MMP25: variants seen among roughly 807,000 people sequenced by gnomAD.
The protein encoded by MMP25 is matrix metalloproteinase-25.
A neutral mutation model predicts 62.1 loss-of-function variants in MMP25; 68 were observed. The ratio of observed to expected loss-of-function variants is 1.10; its 90% confidence interval spans 0.90 to 1.34. MMP25 has a LOEUF of 1.34. MMP25 is among the 40% of genes most tolerant of loss of function. The pLI, the probability that MMP25 is intolerant of heterozygous loss-of-function variation, is 0.00. For missense variants in MMP25, 942 were observed against 792.5 expected, an observed-to-expected ratio of 1.19 and a Z score of -2.26; for synonymous variants, 407 against 345.6, an observed-to-expected ratio of 1.18 and a Z score of -1.97.
intron 4 of MMP25, chr16:3,055,968 G>A: frequency 6.6e-6 from 3 of 455,364 alleles, no homozygotes; most frequent in Middle Eastern, 4.8e-4. Flanking sequence ...GGAAGAGGCT[G>A]GGAGCAAGGC....
Position 3,058,958 on chromosome 16 carries a change from G to T in MMP25, c.1549G>T (p.Ala517Ser), listed in dbSNP as rs1185119383. The T allele has an allele frequency of 1.4e-6, 2 of 1,401,942 alleles. No homozygotes were observed. Among genetic ancestry groups the T allele is most frequent in the Non-Finnish European group, 1.9e-6 (2 of 1,025,868 alleles). 86.8% of individuals were successfully genotyped at this position (1,401,942 alleles called of 1,614,324 possible). A position where few individuals can be genotyped will look rare whatever the true frequency, so the allele number is the denominator to read the frequency against. Residue 517 changes from alanine to serine, a missense_variant, in exon 10 of 10, where the codon GCC becomes TCC. Transcript: ENST00000336577. ...CCCCGCCCCGAGCTCTGGTCCCCGC[G>T]CCCCCAGGCCCCCCAAAGCGACCCC... ...DCPAPSSGPR[A>S]PRPPKATPVS...
In MMP25 at chr16:3,057,230, C is replaced by A. The variant is rs766137694; in HGVS notation, c.838+21C>A. 6.2e-6 allele frequency: 10 copies of A among 1,613,456 alleles called. No individual in the cohort carries two copies. The South Asian group carries it at 1.1e-4, about 18-fold the overall frequency. ...CTATGGTAGGGGGAGAGGGACCTGCCGCGAAACCATCATTGCCCCATCCAG... is the reference window on the plus strand; with the variant it reads ...CTATGGTAGGGGGAGAGGGACCTGCAGCGAAACCATCATTGCCCCATCCAG... On this transcript the variant is annotated intron_variant, in intron 5 of 9. Coordinates refer to ENST00000336577, the MANE Select transcript of MMP25 (RefSeq NM_022468.5).
chr16:3,058,181 G>T lies in MMP25; in HGVS notation c.1007G>T (p.Gly336Val), dbSNP rs778845474. 2.5e-6 allele frequency: 4 copies of T among 1,612,070 alleles called. No individual in the cohort carries two copies. The highest frequency in any genetic ancestry group is 4.5e-5 in the East Asian group (2 of 44,698). Residue 336 changes from glycine to valine, a missense_variant and splice_region_variant, in exon 8 of 10, where the codon GGC becomes GTC. Coordinates refer to ENST00000336577, the MANE Select transcript of MMP25 (RefSeq NM_022468.5). ...NIRGETFFFK[G>V]PWFWRLQPSG... ...CTGCGAACCCCTTTGTCCCCTGCAG[G>T]CCCCTGGTTCTGGCGCCTCCAGCCC...
At chr16:3,049,047 A>G (rs1955861532) in intron 2 of MMP25, among the ~76,000 whole-genome samples, 1 of 152,010 alleles carries the variant, frequency 6.6e-6, no homozygotes, top group African/African-American at 2.4e-5. Context: ...GCCTCAAGCG[A>G]TCAGCCCACC....
rs1006403523 is a variant in MMP25, at chr16:3,060,273, G to C, written c.*1175G>C. On this transcript the variant is annotated 3_prime_UTR_variant, in exon 10 of 10. Transcript: ENST00000336577. ...CACACTCACCCTGAATCCTCACTCA[G>C]GGTGGGGTCAGGAATCTGCATTTTA... 3 of 152,198 alleles carry C rather than the reference G, an allele frequency of 2.0e-5. No homozygotes were observed. Among genetic ancestry groups the C allele is most frequent in the African/African-American group, 7.2e-5 (3 of 41,450 alleles). 9.4% of individuals were successfully genotyped at this position (152,198 alleles called of 1,614,324 possible).
chr16:3,050,457 C>A lies in MMP25; in HGVS notation c.572C>A (p.Thr191Asn), dbSNP rs755526133. ...TACCCCTTCGACGGGTTGGGGGGCACCCTAGCCCATGCCTTCTTCCCTGGG... is the reference window on the plus strand; with the variant it reads ...TACCCCTTCGACGGGTTGGGGGGCAACCTAGCCCATGCCTTCTTCCCTGGG... ...DSYPFDGLGGTLAHAFFPGEH... is the reference protein window; with the variant it reads ...DSYPFDGLGGNLAHAFFPGEH... The change falls in exon 4 of 10, where the codon ACC becomes AAC. Residue 191 changes from threonine (T) to asparagine (N), a missense_variant. Thr to Asn is a moderately conservative substitution (Grantham distance 65). Transcript: ENST00000336577. 6.2e-7 allele frequency: 1 copy of A among 1,613,262 alleles called. No homozygotes were observed.
At chr16:3,052,838 C>T (rs1955925632) in intron 4 of MMP25, 1 of 152,216 alleles carries the variant, frequency 6.6e-6, no homozygotes, top group Non-Finnish European at 1.5e-5. Context: ...GTCAGGTTCC[C>T]CAGAGGTGGG....
chr16:3,050,632 G>T lies in MMP25; in HGVS notation c.661+86G>T. ...CTGTTGTGTGTTTTGTTTTGTTTAAGAAACAAGGTCTTGCTCTGTTGCTCA... is the reference window on the plus strand; with the variant it reads ...CTGTTGTGTGTTTTGTTTTGTTTAATAAACAAGGTCTTGCTCTGTTGCTCA... On this transcript the variant is annotated intron_variant, in intron 4 of 9. Transcript: ENST00000336577. 2.2e-6 allele frequency: 3 copies of T among 1,353,394 alleles called. No individual in the cohort carries two copies. The South Asian group carries it at 4.5e-5, about 20-fold the overall frequency. The allele number at this position is 1,353,394 out of a possible 1,614,324, so 83.8% of individuals were successfully genotyped here.
rs754369013 is a variant in MMP25 at position 3,050,030 on chromosome 16, T to A, written c.254T>A (p.Met85Lys). 1.4e-5 allele frequency: 23 copies of A among 1,610,138 alleles called. No individual in the cohort carries two copies. The African/African-American group carries it at 2.8e-4, about 20-fold the overall frequency. ...GRMDPGTVAT[M>K]RKPRCSLPDV... ...GCAGACCCAGGGACAGTGGCCACCA[T>A]GCGTAAGCCCCGCTGCTCCCTGCCT... Residue 85 changes from methionine to lysine, a missense_variant, in exon 3 of 10, where the codon ATG becomes AAG. By Grantham distance (95) the Met-to-Lys change is moderately conservative. Transcript: ENST00000336577.
Position 3,047,353 on chromosome 16 carries a change from TG to T in MMP25, c.100-59del, listed in dbSNP as rs1017889474. On this transcript the variant is annotated intron_variant, in intron 1 of 9. Coordinates refer to ENST00000336577, the MANE Select transcript of MMP25 (RefSeq NM_022468.5). ...AGGGGCAGGGCTGCCAGGATGGTGG[TG>T]GGCAGAGAGAGCCCATACTTTTCAC... is the stretch of plus-strand genomic sequence containing the variant. 4.2e-5 allele frequency: 65 copies of T among 1,554,734 alleles called. No homozygotes were observed. The African/African-American group carries it at 7.7e-4, about 18-fold the overall frequency.
In MMP25 at chr16:3,050,594, A is replaced by C. The variant is rs756633252; in HGVS notation, c.661+48A>C. The C allele has an allele frequency of 8.8e-6, 13 of 1,480,168 alleles. No individual in the cohort carries two copies. The South Asian group carries it at 1.8e-4, about 20-fold the overall frequency. 91.7% of individuals were successfully genotyped at this position (1,480,168 alleles called of 1,614,324 possible). A position where few individuals can be genotyped will look rare whatever the true frequency, so the allele number is the denominator to read the frequency against. On this transcript the variant is annotated intron_variant, in intron 4 of 9. Transcript: ENST00000336577. The stretch of plus-strand genomic sequence containing the variant: ...AGATCCTCTTGCCAGGTCTGGTCTT[A>C]AGAATAAGTTTTCTGTTGTGTGTTT...
At chr16:3,048,742 G>T (rs745999228) in intron 2 of MMP25, among the ~76,000 whole-genome samples, 1 of 152,130 alleles carries the variant, frequency 6.6e-6, no homozygotes, top group Non-Finnish European at 1.5e-5. Context: ...GATTCCAAGG[G>T]TGATTAGCAA....
At chr16:3,051,925 G>C (rs763807917) in intron 4 of MMP25, 1 of 152,118 alleles carries the variant, frequency 6.6e-6, no homozygotes, top group East Asian at 1.9e-4. Context: ...AGGAGTTTGA[G>C]ACCAGCCTGA....
chr16:3,056,911 T>A (rs1596220463), intron 4 of MMP25, 122 bp from the exon 5 acceptor site: 1 of 1,032,410 alleles, frequency 9.7e-7, no homozygotes, highest in Non-Finnish European at 1.4e-6. Context: ...CAGAGGAGGC[T>A]GGGGCCACCT....
intron 7 of MMP25, 151 bp from the exon 8 acceptor site, chr16:3,058,030 A>C: frequency 1.1e-6 from 1 of 899,138 alleles, no homozygotes. Context: ...AAAAAGGGAA[A>C]AGTCTCAGGC....
chr16:3,058,658 T>A lies in MMP25; in HGVS notation c.1406T>A (p.Val469Asp), dbSNP rs763183526. ...CCCCCCTCCCCTGACGATGTCACCG[T>A]CAGCAACGCAGGTGGGGAGCGCGGT... is the stretch of plus-strand genomic sequence containing the variant. ...GAPPSPDDVT[V>D]SNAGDTYFFK... The change falls in exon 9 of 10, where the codon GTC (valine) becomes GAC (aspartate). Residue 469 changes from valine to aspartate, a missense_variant. Val to Asp is a radical substitution (Grantham distance 152). Transcript: ENST00000336577. 3.1e-5 allele frequency: 49 copies of A among 1,599,364 alleles called. No individual in the cohort carries two copies. Among genetic ancestry groups the A allele is most frequent in the Non-Finnish European group, 4.1e-5 (48 of 1,172,818 alleles).
Position 3,059,519 on chromosome 16 carries a change from A to C in MMP25, c.*421A>C, listed in dbSNP as rs979677790. ...AGCCCCGGTCGCGCGCTGGCCCCGC[A>C]GGACCTTCCTTTTCCAGGAAGAGCC... is the stretch of plus-strand genomic sequence containing the variant. On this transcript the variant is annotated 3_prime_UTR_variant, in exon 10 of 10. Transcript: ENST00000336577. 1 of 164,998 alleles carries C rather than the reference A, an allele frequency of 6.1e-6. No homozygotes were observed. The highest frequency in any genetic ancestry group is 1.3e-5 in the Non-Finnish European group (1 of 77,064). 10.2% of individuals were successfully genotyped at this position (164,998 alleles called of 1,614,324 possible). A position where few individuals can be genotyped will look rare whatever the true frequency, so the allele number is the denominator to read the frequency against.
Position 3,058,299 on chromosome 16 carries a change from T to C in MMP25, c.1125T>C (p.Ala375=). 6.2e-7 allele frequency: 1 copy of C among 1,605,206 alleles called. No individual in the cohort carries two copies. The highest frequency in any genetic ancestry group is 8.5e-7 in the Non-Finnish European group (1 of 1,177,418). ...AQVRVVQAAY[A]RHRDGRILLF... is the part of the protein sequence containing the mutation. ...TGAGGGTGGTGCAGGCCGCCTATGC[T>C]CGGCACCGAGACGGCCGAATCCTCC... Residue 375 remains alanine, a synonymous_variant, in exon 8 of 10, where the codon GCT becomes GCC. Transcript: ENST00000336577.
At chr16:3,047,068 G>A in intron 1 of MMP25, 52 bp downstream of exon 1, 4 of 1,388,814 alleles carry the variant, frequency 2.9e-6, no homozygotes, top group Non-Finnish European at 3.7e-6. Flanking sequence ...TTGGGAGAGG[G>A]AAGCCGGGCC....
Sources: gnomAD v4.1 joint callset for allele counts (sites outside exome capture counted in the v4.1 genomes callset) on GRCh38, gnomAD v4.1.1 for gene constraint, MANE v1.5 for transcripts, NCBI Gene and HGNC (gene_info 2026-07-23, HGNC 2026-07-21) for gene names.